The following EDA variants were observed in gnomAD, a reference collection of about 807,000 sequenced individuals.
EDA encodes the protein ectodysplasin A.
A neutral mutation model predicts 23.6 loss-of-function variants in EDA; 2 were observed. That is an observed-to-expected ratio of 0.08 (90% confidence interval 0.03 to 0.27). The LOEUF (loss-of-function observed/expected upper bound fraction) is 0.27, where lower values mean the gene tolerates loss of function less well. EDA is among the 10% of genes least tolerant of loss of function. The pLI is 1.00. For missense variants in EDA, 229 were observed against 324.2 expected, an observed-to-expected ratio of 0.71 and a Z score of 2.26; for synonymous variants, 131 against 132.0, an observed-to-expected ratio of 0.99 and a Z score of 0.05.
At chrX:69,684,133 C>G (rs1356965528) in intron 1 of EDA, among the ~76,000 whole-genome samples, 5 of 112,060 alleles carry the variant, frequency 4.5e-5, no homozygotes. Flanking sequence ...GTGTAAGATT[C>G]TGAGATACTC....
intron 1 of EDA, among the ~76,000 whole-genome samples, chrX:69,759,655 G>A (rs931069509): frequency 9.0e-6 from 1 of 111,212 alleles, no homozygotes; most frequent in Non-Finnish European, 1.9e-5. Flanking sequence ...AAGCTGGTGC[G>A]GTACAATATG....
intron 2 of EDA, among the ~76,000 whole-genome samples, chrX:69,997,813 T>G (rs183714109): frequency 2.4e-3 from 271 of 112,462 alleles, no homozygotes; most frequent in Middle Eastern, 4.6e-3. Context: ...GGCCATAGCT[T>G]CAGAGGTTGC....
chrX:69,965,003 A>G (rs1244935555), intron 2 of EDA, among the ~76,000 whole-genome samples: 3 of 112,146 alleles, frequency 2.7e-5, no homozygotes, highest in Non-Finnish European at 5.6e-5. Flanking sequence ...TGAACAAGAT[A>G]AGACCCTACC....
chrX:69,794,481 T>G (rs946442845), intron 1 of EDA, among the ~76,000 whole-genome samples: 3 of 112,339 alleles, frequency 2.7e-5, no homozygotes, highest in African/African-American at 9.7e-5. Context: ...GAAATAATGT[T>G]AGGACAATTA....
intron 1 of EDA, among the ~76,000 whole-genome samples, chrX:69,851,157 TTGTGTG>T (rs57593985): frequency 2.9e-5 from 3 of 101,914 alleles, no homozygotes; most frequent in African/African-American, 7.1e-5. Context: ...GATCAAGGGT[TTGTGTG>T]TGTGTGTGTG....
chrX:69,865,345 A>G (rs893470718), intron 1 of EDA, among the ~76,000 whole-genome samples: 2 of 110,618 alleles, frequency 1.8e-5, no homozygotes, highest in Non-Finnish European at 3.8e-5. Context: ...GTGGGATCAC[A>G]AGGTCCCACA....
chrX:69,786,077 G>T (rs1238244265), intron 1 of EDA, among the ~76,000 whole-genome samples: 13 of 108,570 alleles, frequency 1.2e-4, no homozygotes, highest in African/African-American at 4.3e-4. Flanking sequence ...TAGTTTATTT[G>T]CGTAGAGGTG....
At chrX:69,681,266 A>T (rs1185425624) in intron 1 of EDA, among the ~76,000 whole-genome samples, 20 of 108,970 alleles carry the variant, frequency 1.8e-4, no homozygotes, top group Non-Finnish European at 3.8e-5. Flanking sequence ...TTTTTCCTTC[A>T]TTTCAACTTT....
At chrX:69,743,610 A>G (rs900805797) in intron 1 of EDA, among the ~76,000 whole-genome samples, 1 of 111,444 alleles carries the variant, frequency 9.0e-6, no homozygotes, top group African/African-American at 3.3e-5. Context: ...TCTGTATCTA[A>G]TGTCCTCCTC....
At chrX:69,632,455 C>T (rs1045890586) in intron 1 of EDA, among the ~76,000 whole-genome samples, 6 of 112,147 alleles carry the variant, frequency 5.4e-5, no homozygotes, top group African/African-American at 1.9e-4. Flanking sequence ...TTGAATAGGA[C>T]TGCAGAGAAT....
Position 70,037,410 on chromosome X carries a change from G to A in EDA, c.*1801G>A, listed in dbSNP as rs755841141. On this transcript the variant is annotated 3_prime_UTR_variant, in exon 8 of 8. Coordinates refer to ENST00000374552, the MANE Select transcript of EDA (RefSeq NM_001399.5). Reference sequence around the variant, plus strand: ...GGCCCTAACTCCTATAAAGTGCCTCGGACAGTCCGCAGTTGTAGCAGAAAC... The same window carrying A: ...GGCCCTAACTCCTATAAAGTGCCTCAGACAGTCCGCAGTTGTAGCAGAAAC... 2 of 111,888 alleles carry A rather than the reference G, an allele frequency of 1.8e-5. No individual in the cohort carries two copies. The highest frequency in any genetic ancestry group is 2.8e-4 in the East Asian group (1 of 3,538). The allele number at this position is 111,888 out of a possible 1,213,427, so 9.2% of individuals were successfully genotyped here.
At chrX:69,927,961 G>T (rs1295896255) in intron 1 of EDA, among the ~76,000 whole-genome samples, 1 of 111,140 alleles carries the variant, frequency 9.0e-6, no homozygotes, top group African/African-American at 3.3e-5. Flanking sequence ...TATTTTAAAT[G>T]TTAGGGGGGA....
rs752982949 is a variant in EDA at position 69,788,957 on chromosome X, A to T, written c.397-168070A>T. Among the ~76,000 whole-genome samples the T allele has an allele frequency of 8.9e-5, 10 of 112,466 alleles. No homozygotes were observed. The South Asian group carries it at 3.7e-3, about 42-fold the overall frequency. ...TCAATCAGCGAGACTCCGTGGGCGT[A>T]GGACCCTCCGAGCCAGGTGCGGGAT... On this transcript the variant is annotated intron_variant, in intron 1 of 7. Coordinates refer to ENST00000374552, the MANE Select transcript of EDA (RefSeq NM_001399.5).
chrX:69,710,654 T>G (rs1230389532), intron 1 of EDA, among the ~76,000 whole-genome samples: 4 of 111,972 alleles, frequency 3.6e-5, no homozygotes, highest in African/African-American at 1.3e-4. Flanking sequence ...GTTTGTATCC[T>G]CTTTGATTTC....
At chrX:69,876,056 A>C (rs1391916247) in intron 1 of EDA, among the ~76,000 whole-genome samples, 2 of 112,048 alleles carry the variant, frequency 1.8e-5, no homozygotes, top group Non-Finnish European at 3.8e-5. Context: ...AACTAGCACA[A>C]CCGCTATGAA....
chrX:69,749,528 T>C (rs1163526402), intron 1 of EDA, among the ~76,000 whole-genome samples: 3 of 110,559 alleles, frequency 2.7e-5, no homozygotes, highest in Non-Finnish European at 5.7e-5. Flanking sequence ...ACTTCCACAA[T>C]GGTTGAACTA....
rs762747161 is a variant in EDA at position 69,789,121 on chromosome X, A to G, written c.397-167906A>G. 4.5e-5 allele frequency among the ~76,000 whole-genome samples: 5 copies of G among 112,081 alleles called. No individual in the cohort carries two copies. In the South Asian group the frequency reaches 1.9e-3, roughly 42 times the overall value. Reference sequence around the variant, plus strand: ...AACTCCCTGACCCCTTGCGCTTCCCAAGTGAGGCAATGCCTCGCCCTGCTT... The same window carrying G: ...AACTCCCTGACCCCTTGCGCTTCCCGAGTGAGGCAATGCCTCGCCCTGCTT... On this transcript the variant is annotated intron_variant, in intron 1 of 7. Coordinates refer to ENST00000374552, the MANE Select transcript of EDA (RefSeq NM_001399.5).
At chrX:69,877,812 C>CT (rs2017670711) in intron 1 of EDA, among the ~76,000 whole-genome samples, 1 of 112,366 alleles carries the variant, frequency 8.9e-6, no homozygotes, top group Non-Finnish European at 1.9e-5. Flanking sequence ...ACATTTATAT[C>CT]TTTGATTTAT....
intron 1 of EDA, among the ~76,000 whole-genome samples, chrX:69,870,521 T>C (rs1411964791): frequency 9.0e-6 from 1 of 111,023 alleles, no homozygotes; most frequent in Non-Finnish European, 1.9e-5. Flanking sequence ...AGGCCATTAC[T>C]GTTGCCTCAG....
Sources: gnomAD v4.1 joint callset for allele counts (sites outside exome capture counted in the v4.1 genomes callset) on GRCh38, gnomAD v4.1.1 for gene constraint, MANE v1.5 for transcripts, NCBI Gene and HGNC (gene_info 2026-07-23, HGNC 2026-07-21) for gene names.